RIMBP2: variants seen among roughly 807,000 people sequenced by gnomAD.
The protein encoded by RIMBP2 is RIMS-binding protein 2.
In RIMBP2, 48 loss-of-function variants were observed where a neutral mutation model predicts 118.6. The ratio of observed to expected loss-of-function variants is 0.40; its 90% confidence interval spans 0.32 to 0.51. RIMBP2 has a LOEUF of 0.51. RIMBP2 is among the 20% of genes least tolerant of loss of function. The pLI is 0.41. For missense variants in RIMBP2, 1,551 were observed against 1,768.3 expected (o/e 0.88, Z 2.20); for synonymous variants, 762 against 742.9 (o/e 1.03, Z -0.42).
rs1184511555 is a variant in RIMBP2, at chr12:130,428,424, G to A, written c.2254-87C>T. 9 of 1,413,308 alleles carry A rather than the reference G, an allele frequency of 6.4e-6. No homozygotes were observed. The Admixed American group carries it at 1.7e-4, about 26-fold the overall frequency. 87.5% of individuals were successfully genotyped at this position (1,413,308 alleles called of 1,614,324 possible). ...GATTGAGCTTGCCAACCCTTTCCCTGCTTCGCTGACTCACGGGGCTCACAG... is the reference window on the plus strand; with the variant it reads ...GATTGAGCTTGCCAACCCTTTCCCTACTTCGCTGACTCACGGGGCTCACAG... On this transcript the variant is annotated intron_variant, in intron 14 of 22. Coordinates refer to ENST00000690449, the MANE Select transcript of RIMBP2 (RefSeq NM_001393629.1).
In RIMBP2 at chr12:130,431,984, A is replaced by T. The variant is rs1050663914; in HGVS notation, c.2253+2750T>A. On this transcript the variant is annotated intron_variant, in intron 14 of 22. Transcript: ENST00000690449. The surrounding 1 kb of genome is among the most constrained non-coding windows in gnomAD (Gnocchi z 4.0). ...GAAGTAAAAATTCAGGGCCTCAGTCACACTCAGCCCCAGGTGGCCACATGT... is the reference window on the plus strand; with the variant it reads ...GAAGTAAAAATTCAGGGCCTCAGTCTCACTCAGCCCCAGGTGGCCACATGT... 1.2e-5 allele frequency: 2 copies of T among 173,038 alleles called. No homozygotes were observed. The highest frequency in any genetic ancestry group is 3.3e-4 in the East Asian group (2 of 6,018). 10.7% of individuals were successfully genotyped at this position (173,038 alleles called of 1,614,324 possible).
chr12:130,409,403 C>T (rs1305406450), intron 19 of RIMBP2, among the ~76,000 whole-genome samples: 5 of 123,714 alleles, frequency 4.0e-5, no homozygotes, highest in South Asian at 2.7e-4. Context: ...AGTGCAGTGG[C>T]GCGATCCCGG....
At chr12:130,484,520 C>A (rs956093828) in intron 4 of RIMBP2, among the ~76,000 whole-genome samples, 3 of 152,256 alleles carry the variant, frequency 2.0e-5, no homozygotes, top group African/African-American at 7.2e-5. Context: ...GGCTCCCTTG[C>A]CTGCTATCTG....
chr12:130,487,375 A>AG lies in RIMBP2; in HGVS notation c.-3-8360dup, dbSNP rs146520250. 6.3e-3 allele frequency among the ~76,000 whole-genome samples: 959 copies of AG among 152,150 alleles called. 3 individuals carry two copies. Among genetic ancestry groups the AG allele is most frequent in the Non-Finnish European group, 0.01 (686 of 67,984 alleles). On this transcript the variant is annotated intron_variant, in intron 4 of 22. Coordinates refer to ENST00000690449, the MANE Select transcript of RIMBP2 (RefSeq NM_001393629.1). ...GGTGCCCTCCCCATAGCGATAAGTG[A>AG]GTTCTTGCTCTGAGTTCACTCGAGA...
At chr12:130,402,750 T>A (rs183846735) in intron 21 of RIMBP2, among the ~76,000 whole-genome samples, 3 of 152,326 alleles carry the variant, frequency 2.0e-5, no homozygotes, top group African/African-American at 7.2e-5. Flanking sequence ...CAGTTTTCTC[T>A]GTGCCCCAGT....
intron 2 of RIMBP2, among the ~76,000 whole-genome samples, chr12:130,570,098 T>A (rs1312037260): frequency 6.6e-6 from 1 of 152,112 alleles, no homozygotes; most frequent in East Asian, 1.9e-4. Flanking sequence ...GAAGATCCAC[T>A]CTCTTTCCTC....
chr12:130,422,867 C>T lies in RIMBP2; in HGVS notation c.3130-306G>A, dbSNP rs543382375. On this transcript the variant is annotated intron_variant, in intron 16 of 22. Coordinates refer to ENST00000690449, the MANE Select transcript of RIMBP2 (RefSeq NM_001393629.1). The surrounding 1 kb of genome is among the most constrained non-coding windows in gnomAD (Gnocchi z 5.2). ...TGTTTTGGGACCAAAGAGACAATGG[C>T]TTGAATACATCCCACCCCGCCTTGG... 5.3e-5 allele frequency among the ~76,000 whole-genome samples: 8 copies of T among 152,268 alleles called. No homozygotes were observed. The highest frequency in any genetic ancestry group is 1.7e-4 in the African/African-American group (7 of 41,578).
At chr12:130,519,379 C>T (rs944924396) in intron 2 of RIMBP2, among the ~76,000 whole-genome samples, 3 of 152,192 alleles carry the variant, frequency 2.0e-5, no homozygotes, top group Non-Finnish European at 4.4e-5. Flanking sequence ...TAAAACACAG[C>T]GAAGGAACCC....
At chr12:130,507,138 T>C (rs546589192) in intron 3 of RIMBP2, among the ~76,000 whole-genome samples, 3 of 152,174 alleles carry the variant, frequency 2.0e-5, no homozygotes, top group Non-Finnish European at 2.9e-5. Context: ...TGCACTTGTA[T>C]AGGAACCCGG....
chr12:130,512,497 A>G (rs1326137964), intron 3 of RIMBP2, among the ~76,000 whole-genome samples: 1 of 152,048 alleles, frequency 6.6e-6, no homozygotes, highest in Non-Finnish European at 1.5e-5. Context: ...CAATTTTTGT[A>G]TTTTTAGTAG....
At chr12:130,516,616 A>C (rs192107177) in intron 3 of RIMBP2, among the ~76,000 whole-genome samples, 16 of 152,356 alleles carry the variant, frequency 1.1e-4, no homozygotes, top group African/African-American at 3.6e-4. Flanking sequence ...TGAGGGTTGA[A>C]AGGCAAGAAG....
In RIMBP2 at chr12:130,581,575, CAATTCCAGGCT is replaced by C. The variant is rs1350703906; in HGVS notation, c.-217+46736_-217+46746del. On this transcript the variant is annotated intron_variant, in intron 2 of 22. Transcript: ENST00000690449. The surrounding 1 kb of genome is among the most constrained non-coding windows in gnomAD (Gnocchi z 4.4). ...ACAGCCCTCCCGTGCCAGTAGGTGG[CAATTCCAGGCT>C]CTCGCGGCTCAGGCCTCAGACCTGT... 6.6e-6 allele frequency among the ~76,000 whole-genome samples: 1 copy of C among 152,238 alleles called. No homozygotes were observed. The highest frequency in any genetic ancestry group is 1.9e-4 in the East Asian group (1 of 5,188).
chr12:130,456,578 C>T lies in RIMBP2; in HGVS notation c.276G>A (p.Ala92=), dbSNP rs749943783. 16 of 1,613,374 alleles carry T rather than the reference C, an allele frequency of 9.9e-6. No individual in the cohort carries two copies. The highest frequency in any genetic ancestry group is 6.6e-5 in the South Asian group (6 of 91,026). The part of the protein sequence containing the change: ...AGKIDLLGGS[A]VAPLDISTAP... ...CCGTGGAGATGTCCAGGGGGGCCAC[C>T]GCGCTGCCACCCAGCAGGTCAATCT... The change falls in exon 7 of 23, where the codon GCG becomes GCA. Residue 92 remains alanine (A), a synonymous_variant. Coordinates refer to ENST00000690449, the MANE Select transcript of RIMBP2 (RefSeq NM_001393629.1).
At chr12:130,463,221 G>A (rs962020650) in intron 6 of RIMBP2, among the ~76,000 whole-genome samples, 2 of 152,200 alleles carry the variant, frequency 1.3e-5, no homozygotes, top group South Asian at 4.1e-4. Context: ...GTGCTGTCCT[G>A]TCTGGGTTTG....
chr12:130,494,302 C>G (rs908230845), intron 4 of RIMBP2, among the ~76,000 whole-genome samples: 1 of 152,086 alleles, frequency 6.6e-6, no homozygotes, highest in African/African-American at 2.4e-5. Flanking sequence ...CACTGCTCTG[C>G]CCCCGCCTCC....
chr12:130,466,733 A>G lies in RIMBP2; in HGVS notation c.153+3960T>C, dbSNP rs78461308. On this transcript the variant is annotated intron_variant, in intron 6 of 22. Transcript: ENST00000690449. ...CTTTATCCTAAAACAGTTCCGCTGA[A>G]GTTCACCCAGGCAATGTAAATTGAT... 2.4e-3 allele frequency among the ~76,000 whole-genome samples: 364 copies of G among 152,350 alleles called. 1 individual carries two copies. The highest frequency in any genetic ancestry group is 8.0e-3 in the African/African-American group (334 of 41,586).
intron 2 of RIMBP2, among the ~76,000 whole-genome samples, chr12:130,546,734 G>T (rs779480332): frequency 6.6e-6 from 1 of 152,180 alleles, no homozygotes; most frequent in African/African-American, 2.4e-5. Flanking sequence ...ACCAGGCTGC[G>T]CGTGGATGTG....
intron 2 of RIMBP2, among the ~76,000 whole-genome samples, chr12:130,589,962 G>A (rs1045934827): frequency 3.9e-5 from 6 of 152,126 alleles, no homozygotes; most frequent in African/African-American, 1.4e-4. Context: ...CGGCCCCCTC[G>A]GGCTCCCCAG....
chr12:130,498,645 A>AC (rs946463875), intron 4 of RIMBP2, among the ~76,000 whole-genome samples: 3 of 151,632 alleles, frequency 2.0e-5, no homozygotes, highest in African/African-American at 7.3e-5. Flanking sequence ...AAAAAAAAAA[A>AC]AAAAAACACT....
Sources: allele counts gnomAD v4.1 joint callset (sites outside exome capture counted in the v4.1 genomes callset), GRCh38; gene constraint gnomAD v4.1.1; non-coding constraint Gnocchi (gnomAD v3.1); transcripts MANE v1.5; gene names NCBI Gene and HGNC (gene_info 2026-07-23, HGNC 2026-07-21).